The following LRRIQ3 variants were observed in gnomAD, a reference collection of about 807,000 sequenced individuals.
The protein encoded by LRRIQ3 is leucine rich repeats and IQ motif containing 3, also known as leucine-rich repeat and IQ domain-containing protein 3.
In LRRIQ3, 75 loss-of-function variants were observed where a neutral mutation model predicts 59.3. That is an observed-to-expected ratio of 1.26 (90% confidence interval 1.05 to 1.53). The LOEUF is 1.53. LRRIQ3 is among the 40% of genes most tolerant of loss of function. The pLI is 0.00. For synonymous variants in LRRIQ3, 250 were observed against 231.3 expected (o/e 1.08, Z -0.73); for missense variants, 831 against 710.0 (o/e 1.17, Z -1.94).
intron 3 of LRRIQ3, among the ~76,000 whole-genome samples, chr1:74,161,371 A>G (rs765085138): frequency 6.6e-5 from 10 of 152,098 alleles, no homozygotes; most frequent in Admixed American, 1.3e-4. Context: ...AGTCTTTGCT[A>G]TGTCTAGAAT....
At chr1:74,163,683 A>T (rs1648793241) in intron 3 of LRRIQ3, among the ~76,000 whole-genome samples, 1 of 151,574 alleles carries the variant, frequency 6.6e-6, no homozygotes, top group African/African-American at 2.4e-5. Context: ...GGTATTTTCC[A>T]GTTCGGGGCC....
chr1:74,124,541 G>T (rs577231775), intron 4 of LRRIQ3, among the ~76,000 whole-genome samples: 1 of 151,960 alleles, frequency 6.6e-6, no homozygotes, highest in African/African-American at 2.4e-5. Context: ...TTTCTATATG[G>T]TCAGAGATGG....
chr1:74,168,578 G>A (rs1649138173), intron 3 of LRRIQ3, among the ~76,000 whole-genome samples: 1 of 152,124 alleles, frequency 6.6e-6, no homozygotes, highest in Middle Eastern at 3.4e-3. Flanking sequence ...ACCATTTACT[G>A]TAAATTTTAA....
At chr1:74,180,631 T>G in intron 3 of LRRIQ3, 1 of 1,260,040 alleles carries the variant, frequency 7.9e-7, no homozygotes, top group East Asian at 2.6e-5. Flanking sequence ...CCACACTCAG[T>G]GTGAAAAGTA....
chr1:74,194,140 G>A (rs551191863), intron 1 of LRRIQ3, among the ~76,000 whole-genome samples: 1 of 152,296 alleles, frequency 6.6e-6, no homozygotes, highest in South Asian at 2.1e-4. Context: ...GCCAAGGCAA[G>A]AGAATGCTTG....
chr1:74,060,661 T>A (rs1654696723), intron 6 of LRRIQ3, among the ~76,000 whole-genome samples: 1 of 151,906 alleles, frequency 6.6e-6, no homozygotes, highest in Non-Finnish European at 1.5e-5. Flanking sequence ...AGAGATCACT[T>A]AAGCCCAGGA....
intron 4 of LRRIQ3, among the ~76,000 whole-genome samples, chr1:74,132,229 C>T (rs1462625057): frequency 1.3e-5 from 2 of 152,042 alleles, no homozygotes; most frequent in African/African-American, 2.4e-5. Flanking sequence ...AAAGAGGACA[C>T]AAACAAATGG....
intron 5 of LRRIQ3, among the ~76,000 whole-genome samples, chr1:74,093,003 A>C (rs1247096178): frequency 6.6e-6 from 1 of 152,076 alleles, no homozygotes; most frequent in Non-Finnish European, 1.5e-5. Flanking sequence ...CAGTAAGTGA[A>C]AGATCAGAAG....
intron 1 of LRRIQ3, among the ~76,000 whole-genome samples, chr1:74,196,260 C>G (rs1271182490): frequency 6.6e-6 from 1 of 152,154 alleles, no homozygotes; most frequent in Admixed American, 6.5e-5. Context: ...ACACATCACT[C>G]TGTTTGTCTC....
intron 4 of LRRIQ3, among the ~76,000 whole-genome samples, chr1:74,123,262 A>T (rs1646888000): frequency 6.6e-6 from 1 of 152,054 alleles, no homozygotes; most frequent in Admixed American, 6.6e-5. Flanking sequence ...TTAATGGGGT[A>T]TCCATCACCT....
intron 5 of LRRIQ3, among the ~76,000 whole-genome samples, chr1:74,090,700 C>A (rs1030866011): frequency 8.6e-5 from 13 of 151,992 alleles, no homozygotes; most frequent in Middle Eastern, 3.4e-3. Flanking sequence ...CCAGCCTGGG[C>A]AACAACCTTG....
Position 74,140,876 on chromosome 1 carries a change from T to A in LRRIQ3, c.707+14857A>T, listed in dbSNP as rs1052268656. Among the ~76,000 whole-genome samples, 3 of 151,766 alleles carry A rather than the reference T, an allele frequency of 2.0e-5. No individual in the cohort carries two copies. The South Asian group carries it at 6.2e-4, about 31-fold the overall frequency. ...CTAATCCCACTCTTCTGGCACCACA[T>A]CCCTTCCAATATAAAAACATACATA... On this transcript the variant is annotated intron_variant, in intron 4 of 7. Transcript: ENST00000354431.
intron 1 of LRRIQ3, among the ~76,000 whole-genome samples, chr1:74,195,567 C>T (rs758677868): frequency 1.9e-4 from 29 of 152,154 alleles, no homozygotes; most frequent in Non-Finnish European, 4.0e-4. Context: ...AAAAATCTAT[C>T]TCATTCTTCC....
chr1:74,104,821 T>C (rs1646586211), intron 5 of LRRIQ3, among the ~76,000 whole-genome samples: 1 of 152,014 alleles, frequency 6.6e-6, no homozygotes, highest in Non-Finnish European at 1.5e-5. Flanking sequence ...CTACGGACTT[T>C]AGGTGATAAT....
chr1:74,058,286 A>T (rs1654597871), intron 6 of LRRIQ3, among the ~76,000 whole-genome samples: 2 of 152,136 alleles, frequency 1.3e-5, no homozygotes, highest in Admixed American at 1.3e-4. Flanking sequence ...TTGTTGCAGC[A>T]CTATTCACAA....
chr1:74,030,538 T>C (rs1653672144), intron 7 of LRRIQ3, among the ~76,000 whole-genome samples: 1 of 151,986 alleles, frequency 6.6e-6, no homozygotes, highest in Admixed American at 6.6e-5. Flanking sequence ...CAAATGGTGG[T>C]GGGAAAACTG....
At chr1:74,041,112 A>G (rs1654030018) in intron 7 of LRRIQ3, 101 bp downstream of exon 7, 1 of 941,002 alleles carries the variant, frequency 1.1e-6, no homozygotes, top group East Asian at 2.5e-5. Context: ...AGAATGTACT[A>G]TGTTACAAAC....
intron 7 of LRRIQ3, among the ~76,000 whole-genome samples, chr1:74,030,259 A>G (rs1209137268): frequency 6.6e-6 from 1 of 151,972 alleles, no homozygotes; most frequent in Non-Finnish European, 1.5e-5. Flanking sequence ...GGAAAAAACT[A>G]CTTTAAAGTT....
At chr1:74,084,274 G>A (rs949347381) in intron 5 of LRRIQ3, 6 of 1,480,144 alleles carry the variant, frequency 4.1e-6, no homozygotes, top group Non-Finnish European at 4.6e-6. Flanking sequence ...AAACTCTTGA[G>A]GTGTACCATT....
Sources: gnomAD v4.1 joint callset for allele counts (sites outside exome capture counted in the v4.1 genomes callset) on GRCh38, gnomAD v4.1.1 for gene constraint, MANE v1.5 for transcripts, NCBI Gene and HGNC (gene_info 2026-07-23, HGNC 2026-07-21) for gene names.